The following WWOX variants were observed in gnomAD, a reference collection of about 807,000 sequenced individuals.
WWOX encodes WW domain containing oxidoreductase, also known as WW domain-containing oxidoreductase.
A neutral mutation model predicts 46.2 loss-of-function variants in WWOX; 69 were observed. The ratio of observed to expected loss-of-function variants is 1.49; its 90% confidence interval spans 1.23 to 1.82. WWOX has a LOEUF of 1.82. Among genes scored for constraint, WWOX ranks in the 40% most tolerant of loss-of-function variants. The pLI, the probability that WWOX is intolerant of heterozygous loss-of-function variation, is 0.00. For synonymous variants in WWOX, 359 were observed against 202.6 expected (o/e 1.77, Z -6.56); for missense variants, 919 against 542.6 (o/e 1.69, Z -6.89).
chr16:78,422,076 A>T (rs925149581), intron 6 of WWOX, among the ~76,000 whole-genome samples: 3 of 152,176 alleles, frequency 2.0e-5, no homozygotes, highest in African/African-American at 7.2e-5. Flanking sequence ...TAAATATTGC[A>T]ATGGTTATTT....
At chr16:78,935,881 C>T (rs190809039) in intron 8 of WWOX, among the ~76,000 whole-genome samples, 16 of 151,948 alleles carry the variant, frequency 1.1e-4, no homozygotes, top group East Asian at 3.9e-4. Context: ...CACTGCACTT[C>T]GGCCTGGGTG....
intron 5 of WWOX, among the ~76,000 whole-genome samples, chr16:78,202,133 A>G (rs1196285481): frequency 5.3e-5 from 8 of 152,176 alleles, no homozygotes; most frequent in African/African-American, 1.2e-4. Context: ...TAAGGGAACA[A>G]TTTTGACATG....
chr16:78,593,395 C>T (rs1478730853), intron 8 of WWOX, among the ~76,000 whole-genome samples: 1 of 152,216 alleles, frequency 6.6e-6, no homozygotes, highest in Middle Eastern at 3.4e-3. Context: ...CAGCATTTTC[C>T]CCCATCACCC....
At chr16:78,386,799 T>A in intron 5 of WWOX, 61 bp from the exon 6 acceptor site, 1 of 1,441,990 alleles carries the variant, frequency 6.9e-7, no homozygotes. Context: ...TTACTGTAAC[T>A]TGATACCATG....
At chr16:78,643,256 TC>T (rs1351454811) in intron 8 of WWOX, among the ~76,000 whole-genome samples, 1 of 152,206 alleles carries the variant, frequency 6.6e-6, no homozygotes, top group Admixed American at 6.5e-5. Flanking sequence ...ATAATTATCA[TC>T]TATCAAATTT....
At chr16:78,458,078 G>A (rs1386483402) in intron 8 of WWOX, among the ~76,000 whole-genome samples, 1 of 151,356 alleles carries the variant, frequency 6.6e-6, no homozygotes, top group Non-Finnish European at 1.5e-5. Context: ...ACTTTACCTG[G>A]GCTTAGTAAG....
chr16:78,783,521 C>T (rs1221422141), intron 8 of WWOX, among the ~76,000 whole-genome samples: 1 of 152,170 alleles, frequency 6.6e-6, no homozygotes, highest in Non-Finnish European at 1.5e-5. Context: ...TGAATGAGAG[C>T]TGGGAGAGGC....
intron 8 of WWOX, among the ~76,000 whole-genome samples, chr16:78,986,284 A>G (rs1041925037): frequency 2.0e-5 from 3 of 152,252 alleles, no homozygotes; most frequent in East Asian, 1.9e-4. Context: ...TGCCATAGGT[A>G]GAGGTGCTTC....
At chr16:78,680,827 T>G (rs917211328) in intron 8 of WWOX, among the ~76,000 whole-genome samples, 3 of 152,124 alleles carry the variant, frequency 2.0e-5, no homozygotes, top group African/African-American at 7.2e-5. Flanking sequence ...CTTAGTTTTA[T>G]TGGCCAGGCA....
intron 8 of WWOX, among the ~76,000 whole-genome samples, chr16:79,014,899 T>A (rs1469094824): frequency 6.6e-6 from 1 of 152,236 alleles, no homozygotes; most frequent in Non-Finnish European, 1.5e-5. Flanking sequence ...GAGCATTTAT[T>A]TACTGATACC....
chr16:79,089,435 G>A (rs982774185), intron 8 of WWOX, among the ~76,000 whole-genome samples: 14 of 151,274 alleles, frequency 9.3e-5, no homozygotes, highest in African/African-American at 3.2e-4. Context: ...GGGTTCAAGC[G>A]ATTCTTCTGC....
At chr16:79,178,499 T>C (rs1432063925) in intron 8 of WWOX, among the ~76,000 whole-genome samples, 2 of 152,120 alleles carry the variant, frequency 1.3e-5, no homozygotes, top group East Asian at 3.9e-4. Flanking sequence ...AAATTTTTTG[T>C]AGAGACAAGG....
At chr16:78,730,430 C>G (rs1039199380) in intron 8 of WWOX, among the ~76,000 whole-genome samples, 2 of 151,928 alleles carry the variant, frequency 1.3e-5, no homozygotes, top group East Asian at 3.9e-4. Context: ...ACTCATCATT[C>G]ACATGAGTCC....
At chr16:78,513,377 T>C (rs2085410798) in intron 8 of WWOX, among the ~76,000 whole-genome samples, 2 of 152,172 alleles carry the variant, frequency 1.3e-5, no homozygotes, top group Admixed American at 1.3e-4. Flanking sequence ...GAAATAATGA[T>C]TGAGATAGGG....
In WWOX at chr16:78,981,325, G is replaced by C. The variant is rs111889369; in HGVS notation, c.1057-230283G>C. Among the ~76,000 whole-genome samples, 175 of 151,408 alleles carry C rather than the reference G, an allele frequency of 1.2e-3. No homozygotes were observed. In the South Asian group the frequency reaches 0.012, roughly 10 times the overall value. The stretch of plus-strand genomic sequence containing the variant: ...ACGGGAATAACCAAAAATGCTGGGT[G>C]GGGGGGGAAAACGCCAGCAGATCTC... On this transcript the variant is annotated intron_variant, in intron 8 of 8. Transcript: ENST00000566780.
intron 8 of WWOX, among the ~76,000 whole-genome samples, chr16:78,631,980 C>T (rs1159156588): frequency 2.6e-5 from 4 of 151,630 alleles, no homozygotes; most frequent in East Asian, 1.9e-4. Flanking sequence ...TCTGCTTACT[C>T]GGAAAAATAA....
intron 8 of WWOX, among the ~76,000 whole-genome samples, chr16:79,193,209 T>C (rs1289462615): frequency 6.6e-6 from 1 of 152,190 alleles, no homozygotes; most frequent in East Asian, 1.9e-4. Context: ...CCAAAGTTCA[T>C]CTCCAAATTT....
At chr16:78,974,009 A>C (rs1049191083) in intron 8 of WWOX, among the ~76,000 whole-genome samples, 1 of 152,172 alleles carries the variant, frequency 6.6e-6, no homozygotes, top group African/African-American at 2.4e-5. Flanking sequence ...CCTAGCACAA[A>C]ACTCATGCAA....
rs571213069 is a variant in WWOX, at chr16:78,519,570, C to A, written c.1056+86818C>A. 3.9e-5 allele frequency among the ~76,000 whole-genome samples: 6 copies of A among 151,970 alleles called. No homozygotes were observed. The East Asian group carries it at 9.7e-4, about 24-fold the overall frequency. On this transcript the variant is annotated intron_variant, in intron 8 of 8. Coordinates refer to ENST00000566780, the MANE Select transcript of WWOX (RefSeq NM_016373.4). Reference sequence around the variant, plus strand: ...GGGTGTGCTATGGTTAGAAAGTTTGCATCCCCCCAAAATTCACAGGTTAAA... The same window carrying A: ...GGGTGTGCTATGGTTAGAAAGTTTGAATCCCCCCAAAATTCACAGGTTAAA...
Sources: gnomAD v4.1 joint callset for allele counts (sites outside exome capture counted in the v4.1 genomes callset) on GRCh38, gnomAD v4.1.1 for gene constraint, MANE v1.5 for transcripts, NCBI Gene and HGNC (gene_info 2026-07-23, HGNC 2026-07-21) for gene names.